Variants in ACOT13 observed in about 807,000 individuals in gnomAD.
The protein encoded by ACOT13 is acyl-coenzyme A thioesterase 13.
A neutral mutation model predicts 11.8 loss-of-function variants in ACOT13; 10 were observed. The ratio of observed to expected loss-of-function variants is 0.85; its 90% confidence interval spans 0.53 to 1.44. The LOEUF (loss-of-function observed/expected upper bound fraction) is 1.44, where lower values mean the gene tolerates loss of function less well. ACOT13 is among the 40% of genes most tolerant of loss of function. The pLI, the probability that ACOT13 is intolerant of heterozygous loss-of-function variation, is 0.00. For synonymous variants in ACOT13, 53 were observed against 61.0 expected (o/e 0.87, Z 0.61); for missense variants, 172 against 174.1 (o/e 0.99, Z 0.07).
chr6:24,692,519 C>T (rs1366635811), intron 1 of ACOT13, among the ~76,000 whole-genome samples: 4 of 152,224 alleles, frequency 2.6e-5, no homozygotes, highest in Middle Eastern at 3.4e-3. Context: ...TGGGCTCAAG[C>T]GATCCTCCCC....
chr6:24,699,418 G>A (rs1035689269), intron 2 of ACOT13, among the ~76,000 whole-genome samples: 1 of 152,126 alleles, frequency 6.6e-6, no homozygotes, highest in South Asian at 2.1e-4. Flanking sequence ...CACCGTGTTA[G>A]CCAGGCTGGT....
intron 1 of ACOT13, chr6:24,687,425 G>A (rs964672533): frequency 4.9e-6 from 6 of 1,221,844 alleles, no homozygotes; most frequent in East Asian, 6.6e-5. Flanking sequence ...AGGAACATAC[G>A]TTGGGAATAT....
At chr6:24,686,810 C>T (rs116147826) in intron 1 of ACOT13, among the ~76,000 whole-genome samples, 2,040 of 152,210 alleles carry the variant, frequency 0.013, 15 homozygotes, top group African/African-American at 0.026. Context: ...AAGCAATCCT[C>T]CTTGTCTCAG....
chr6:24,698,491 C>G (rs1219568279), intron 2 of ACOT13, among the ~76,000 whole-genome samples: 1 of 152,090 alleles, frequency 6.6e-6, no homozygotes, highest in Non-Finnish European at 1.5e-5. Flanking sequence ...GTTCAAGACC[C>G]CCATCTCTAC....
intron 1 of ACOT13, among the ~76,000 whole-genome samples, chr6:24,674,180 G>C (rs892521678): frequency 1.3e-5 from 2 of 152,066 alleles, no homozygotes; most frequent in Non-Finnish European, 2.9e-5. Flanking sequence ...TCCTGCCTCA[G>C]CCTCTCGAGT....
At chr6:24,676,691 G>A (rs1778459876) in intron 1 of ACOT13, among the ~76,000 whole-genome samples, 1 of 152,182 alleles carries the variant, frequency 6.6e-6, no homozygotes, top group Admixed American at 6.5e-5. Flanking sequence ...TAGAAGGACT[G>A]GGGGTCCTTC....
intron 2 of ACOT13, among the ~76,000 whole-genome samples, chr6:24,700,129 GT>G (rs1408772489): frequency 6.6e-5 from 10 of 152,154 alleles, no homozygotes; most frequent in Non-Finnish European, 1.3e-4. Flanking sequence ...TGTGACTTAG[GT>G]TAAAAACAAG....
intron 2 of ACOT13, 32 bp from the exon 3 acceptor site, chr6:24,701,427 T>C: frequency 6.4e-7 from 1 of 1,571,962 alleles, no homozygotes; most frequent in Non-Finnish European, 8.7e-7. Flanking sequence ...TGAAAAATTA[T>C]CTGCTGTTAA....
At chr6:24,696,413 A>C (rs1013824452) in intron 1 of ACOT13, among the ~76,000 whole-genome samples, 1 of 152,236 alleles carries the variant, frequency 6.6e-6, no homozygotes, top group African/African-American at 2.4e-5. Flanking sequence ...GTTCTCTGCA[A>C]AATGGATGTT....
Position 24,667,168 on chromosome 6 carries a change from C to T in ACOT13, c.-96C>T, listed in dbSNP as rs759233357. 1.5e-6 allele frequency: 2 copies of T among 1,299,850 alleles called. No homozygotes were observed. Among genetic ancestry groups the T allele is most frequent in the Non-Finnish European group, 2.2e-6 (2 of 918,084 alleles). 80.5% of individuals were successfully genotyped at this position (1,299,850 alleles called of 1,614,324 possible). A position where few individuals can be genotyped will look rare whatever the true frequency, so the allele number is the denominator to read the frequency against. On this transcript the variant is annotated 5_prime_UTR_variant, in exon 1 of 3. Transcript: ENST00000230048. ...GGCGGAGAAGGGTGCGGGCTCTTCG[C>T]CCTTTGTGTCCTCCTTCTTTCACTA... is the stretch of plus-strand genomic sequence containing the variant.
intron 1 of ACOT13, among the ~76,000 whole-genome samples, chr6:24,682,061 G>A (rs1778560690): frequency 6.6e-6 from 1 of 152,184 alleles, no homozygotes; most frequent in African/African-American, 2.4e-5. Flanking sequence ...GTGGAAGCTG[G>A]CTCCAAGCAG....
intron 1 of ACOT13, among the ~76,000 whole-genome samples, chr6:24,670,830 G>T (rs537077620): frequency 6.6e-6 from 1 of 152,214 alleles, no homozygotes; most frequent in South Asian, 2.1e-4. Flanking sequence ...GATTAGTTCA[G>T]TCCCCTTAGT....
intron 2 of ACOT13, among the ~76,000 whole-genome samples, chr6:24,700,572 A>G (rs1251296513): frequency 6.6e-6 from 1 of 151,526 alleles, no homozygotes; most frequent in Non-Finnish European, 1.5e-5. Flanking sequence ...AGTAGCTGAG[A>G]TTACAGGTGC....
intron 1 of ACOT13, among the ~76,000 whole-genome samples, chr6:24,694,601 A>G (rs761224728): frequency 2.6e-5 from 4 of 152,042 alleles, no homozygotes; most frequent in Admixed American, 6.6e-5. Context: ...TTTTTTTCAC[A>G]AGGTTCTCTC....
intron 1 of ACOT13, among the ~76,000 whole-genome samples, chr6:24,678,052 C>T (rs1332670257): frequency 3.3e-5 from 5 of 152,212 alleles, no homozygotes; most frequent in African/African-American, 4.8e-5. Context: ...CATCCCCGTA[C>T]TGAAGGACAA....
intron 1 of ACOT13, among the ~76,000 whole-genome samples, chr6:24,680,682 G>A (rs1449163489): frequency 2.0e-5 from 3 of 152,124 alleles, no homozygotes; most frequent in Non-Finnish European, 4.4e-5. Context: ...TTGCTTTTGC[G>A]CTCAGGGGTG....
At chr6:24,673,069 A>G (rs1253450154) in intron 1 of ACOT13, among the ~76,000 whole-genome samples, 1 of 152,212 alleles carries the variant, frequency 6.6e-6, no homozygotes, top group Non-Finnish European at 1.5e-5. Context: ...AGGACTTTAA[A>G]AGCACATACA....
intron 1 of ACOT13, among the ~76,000 whole-genome samples, chr6:24,670,662 A>C (rs1778345503): frequency 6.6e-6 from 1 of 152,358 alleles, no homozygotes; most frequent in East Asian, 1.9e-4. Context: ...TAGTTTACAA[A>C]TTCTGGAGAA....
intron 1 of ACOT13, among the ~76,000 whole-genome samples, chr6:24,685,239 T>C (rs933833725): frequency 2.6e-5 from 4 of 152,128 alleles, no homozygotes; most frequent in Admixed American, 2.6e-4. Context: ...TGTTTATGTT[T>C]TGTATAGGCA....
Sources: gnomAD v4.1 joint callset for allele counts (sites outside exome capture counted in the v4.1 genomes callset) on GRCh38, gnomAD v4.1.1 for gene constraint, MANE v1.5 for transcripts, NCBI Gene and HGNC (gene_info 2026-07-23, HGNC 2026-07-21) for gene names.